Variants in CCNJL observed in about 807,000 individuals in gnomAD.
The protein encoded by CCNJL is cyclin J like.
A neutral mutation model predicts 33.4 loss-of-function variants in CCNJL; 33 were observed. The ratio of observed to expected loss-of-function variants is 0.99; its 90% CI spans 0.75 to 1.32. The LOEUF (loss-of-function observed/expected upper bound fraction) is 1.32. CCNJL is among the 40% of genes most tolerant of loss of function. CCNJL has a pLI of 0.00. For missense variants in CCNJL, 512 were observed against 499.7 expected (o/e 1.02, Z -0.23); for synonymous variants, 227 against 220.9 (o/e 1.03, Z -0.24).
chr5:160,278,263 G>A (rs1762084830), intron 3 of CCNJL, among the ~76,000 whole-genome samples: 2 of 152,140 alleles, frequency 1.3e-5, no homozygotes, highest in African/African-American at 4.8e-5. Flanking sequence ...GCCTCCCAAG[G>A]TGTTGGGATT....
At chr5:160,283,507 T>C (rs1333628393) in intron 2 of CCNJL, among the ~76,000 whole-genome samples, 3 of 152,198 alleles carry the variant, frequency 2.0e-5, no homozygotes, top group Admixed American at 6.5e-5. Context: ...GGGTACATAG[T>C]AGGTATATAG....
intron 1 of CCNJL, among the ~76,000 whole-genome samples, chr5:160,325,120 T>G (rs1254357740): frequency 6.6e-6 from 1 of 152,204 alleles, no homozygotes; most frequent in African/African-American, 2.4e-5. Flanking sequence ...AGCTTCCTCC[T>G]AGCTCTGGCA....
intron 1 of CCNJL, among the ~76,000 whole-genome samples, chr5:160,318,356 G>C (rs907811830): frequency 3.3e-5 from 5 of 152,146 alleles, no homozygotes; most frequent in African/African-American, 7.2e-5. Context: ...TGGACTAAGG[G>C]CCCACCCTAC....
chr5:160,254,291 C>T (rs138477859), intron 5 of CCNJL: 2 of 659,164 alleles, frequency 3.0e-6, no homozygotes, highest in Non-Finnish European at 2.7e-6. Flanking sequence ...CTGATATCAA[C>T]CAAATTGACC....
chr5:160,277,318 C>T (rs1255415482), intron 3 of CCNJL, among the ~76,000 whole-genome samples: 2 of 152,138 alleles, frequency 1.3e-5, no homozygotes. Context: ...AAGCCACAGC[C>T]GCTGTGATGC....
At chr5:160,280,889 C>A in intron 2 of CCNJL, 151 bp from the exon 3 acceptor site, 1 of 707,968 alleles carries the variant, frequency 1.4e-6, no homozygotes, top group Non-Finnish European at 2.6e-6. Context: ...GGATGGCAGC[C>A]CCGCCTGGGC....
chr5:160,266,446 G>A (rs1032616206), intron 3 of CCNJL, among the ~76,000 whole-genome samples: 1 of 152,226 alleles, frequency 6.6e-6, no homozygotes, highest in Non-Finnish European at 1.5e-5. Flanking sequence ...GGTGTGACCA[G>A]GGACAGCCAG....
chr5:160,264,294 C>A (rs1761479333), intron 3 of CCNJL, among the ~76,000 whole-genome samples: 1 of 152,156 alleles, frequency 6.6e-6, no homozygotes, highest in Non-Finnish European at 1.5e-5. Flanking sequence ...CTCTCGGAGG[C>A]TAGGCAGACG....
At chr5:160,315,956 G>T (rs1036614680), upstream of CCNJL, among the ~76,000 whole-genome samples, 1 of 152,066 alleles carries the variant, frequency 6.6e-6, no homozygotes. Flanking sequence ...CTAAACTTCA[G>T]CTATCAATTA....
chr5:160,294,435 A>C (rs1762685653), intron 2 of CCNJL, among the ~76,000 whole-genome samples: 1 of 151,836 alleles, frequency 6.6e-6, no homozygotes, highest in Admixed American at 6.6e-5. Context: ...CGTCTGTACT[A>C]CTCCTGGGCA....
At chr5:160,273,367 G>A (rs1761903826) in intron 3 of CCNJL, among the ~76,000 whole-genome samples, 1 of 152,120 alleles carries the variant, frequency 6.6e-6, no homozygotes, top group South Asian at 2.1e-4. Context: ...TTTTCTACAA[G>A]GCACATCACA....
rs746281956 is a variant in CCNJL, at chr5:160,255,685, G to C, written c.607C>G (p.Pro203Ala). 1 of 1,613,964 alleles carries C rather than the reference G, an allele frequency of 6.2e-7. No individual in the cohort carries two copies. Among genetic ancestry groups the C allele is most frequent in the East Asian group, 2.2e-5 (1 of 44,882 alleles). ...LQDHIFYKFQPSVVAAACVGA... is the reference protein window; with the variant it reads ...LQDHIFYKFQASVVAAACVGA... Reference sequence around the variant, plus strand: ...ACACAGGCCGCAGCGACCACAGAAGGCTGGAATTTGTAGAATATGTGATCT... The same window carrying C: ...ACACAGGCCGCAGCGACCACAGAAGCCTGGAATTTGTAGAATATGTGATCT... Residue 203 changes from proline (P) to alanine (A), a missense_variant, in exon 5 of 6, where the codon CCT becomes GCT. Pro to Ala is a conservative substitution (Grantham distance 27). Coordinates refer to ENST00000257536, the MANE Select transcript of CCNJL (RefSeq NM_001308173.3).
chr5:160,320,300 T>A (rs754058286), intron 1 of CCNJL, among the ~76,000 whole-genome samples: 4 of 152,160 alleles, frequency 2.6e-5, no homozygotes, highest in African/African-American at 9.7e-5. Context: ...TGGTGAGGCT[T>A]GAGTGAGTAG....
intron 1 of CCNJL, among the ~76,000 whole-genome samples, chr5:160,334,789 T>A (rs898203781): frequency 3.3e-5 from 5 of 152,226 alleles, no homozygotes; most frequent in African/African-American, 1.2e-4. Flanking sequence ...GGAGGGTTTG[T>A]TAAGAACAGA....
chr5:160,321,074 CTTTCTT>C lies in CCNJL; in HGVS notation n.207-5575_207-5570del, dbSNP rs1561812912. Among the ~76,000 whole-genome samples, 200 of 112,210 alleles carry C rather than the reference CTTTCTT, an allele frequency of 1.8e-3. 6 individuals are homozygous for C. The highest frequency in any genetic ancestry group is 9.8e-3 in the African/African-American group (191 of 19,466). 73.6% of individuals were successfully genotyped at this position (112,210 alleles called of 152,430 possible). On this transcript the variant is annotated intron_variant and non_coding_transcript_variant, in intron 1 of 7. Coordinates refer to the CCNJL transcript ENST00000377503. ...TCTTTCTTTCTTTCTTTCTTTCTTT[CTTTCTT>C]TCTTTCTTTCCTTCTCTCTTTCTCT... is the stretch of plus-strand genomic sequence containing the variant.
At chr5:160,301,234 C>T (rs985425188) in intron 2 of CCNJL, among the ~76,000 whole-genome samples, 3 of 152,114 alleles carry the variant, frequency 2.0e-5, no homozygotes, top group African/African-American at 4.8e-5. Flanking sequence ...ATAGACACAA[C>T]GACATGGATG....
intron 2 of CCNJL, among the ~76,000 whole-genome samples, chr5:160,298,702 G>A (rs1762827340): frequency 7.7e-6 from 1 of 129,722 alleles, no homozygotes; most frequent in South Asian, 2.1e-4. Flanking sequence ...GGAAGCGATG[G>A]ACAACAGCTT....
At chr5:160,273,502 C>A (rs1761908029) in intron 3 of CCNJL, among the ~76,000 whole-genome samples, 1 of 152,072 alleles carries the variant, frequency 6.6e-6, no homozygotes, top group Non-Finnish European at 1.5e-5. Flanking sequence ...ACTAAAAACA[C>A]ATTTGTTTAC....
intron 2 of CCNJL, among the ~76,000 whole-genome samples, chr5:160,291,199 G>A (rs1301048889): frequency 2.6e-5 from 4 of 152,068 alleles, no homozygotes; most frequent in East Asian, 1.9e-4. Context: ...GGGTTTCCAC[G>A]GAAGAAGCGG....
Sources: allele counts gnomAD v4.1 joint callset (sites outside exome capture counted in the v4.1 genomes callset), GRCh38; gene constraint gnomAD v4.1.1; transcripts MANE v1.5; gene names NCBI Gene and HGNC (gene_info 2026-07-23, HGNC 2026-07-21).